CFAP46: variants seen among roughly 807,000 people sequenced by gnomAD.
CFAP46 encodes the protein cilia and flagella associated protein 46.
In CFAP46, 245 loss-of-function variants were observed where a neutral mutation model predicts 325.7. The observed-to-expected ratio is 0.75, with a 90% confidence interval of 0.68 to 0.84. The LOEUF is 0.84. CFAP46 is among the 40% of genes least tolerant of loss of function. The pLI, the probability that CFAP46 is intolerant of heterozygous loss-of-function variation, is 0.00. For missense variants in CFAP46, 3,346 were observed against 3,543.0 expected, an observed-to-expected ratio of 0.94 and a Z score of 1.41; for synonymous variants, 1,523 against 1,495.9, an observed-to-expected ratio of 1.02 and a Z score of -0.42.
At chr10:132,885,796 C>T (rs1283652507) in intron 26 of CFAP46, 25 bp downstream of exon 26, 30 of 1,512,588 alleles carry the variant, frequency 2.0e-5, no homozygotes, top group Non-Finnish European at 2.7e-5. Flanking sequence ...AGGGAGCACT[C>T]ACAGGCGGTG....
intron 33 of CFAP46, 60 bp from the exon 34 acceptor site, chr10:132,867,567 C>T (rs1172584983): frequency 9.9e-6 from 15 of 1,520,644 alleles, no homozygotes; most frequent in Admixed American, 4.5e-5. Flanking sequence ...TGTCCCTTCA[C>T]GAGTAACCAA....
intron 25 of CFAP46, among the ~76,000 whole-genome samples, chr10:132,890,106 AGTAAAATATAGCGT>A (rs1405425641): frequency 6.6e-6 from 1 of 152,222 alleles, no homozygotes; most frequent in Non-Finnish European, 1.5e-5. Flanking sequence ...TGGTGAAAGG[AGTAAAATATAGCGT>A]GGCTTCCAGG....
chr10:132,901,779 T>C (rs111506844), intron 22 of CFAP46, among the ~76,000 whole-genome samples: 6,909 of 152,344 alleles, frequency 0.045, 225 homozygotes, highest in Non-Finnish European at 0.064. Context: ...CTGCTGGGAA[T>C]GGATCCTCTT....
rs147511043 is a variant in CFAP46 at position 132,903,825 on chromosome 10, T to C, written c.2925-4159A>G. ...TTGGTGATTACGTTAAATAAAAATG[T>C]TGAGCTGAGTTGGAAGGTCCAAATG... On this transcript the variant is annotated intron_variant, in intron 22 of 57. Transcript: ENST00000368586. Among the ~76,000 whole-genome samples, 135 of 152,326 alleles carry C rather than the reference T, an allele frequency of 8.9e-4. 1 individual carries two copies. The highest frequency in any genetic ancestry group is 3.1e-3 in the African/African-American group (130 of 41,582).
In CFAP46 at chr10:132,909,128, G is replaced by A; in HGVS notation, c.2757+9C>T. On this transcript the variant is annotated intron_variant, in intron 21 of 57. Transcript: ENST00000368586. The stretch of plus-strand genomic sequence containing the variant: ...CCCCTGGCCTCCCGGGACCCCTGGG[G>A]ACACCTACCTGGGCCAGGGAGGGGA... The A allele has an allele frequency of 6.5e-7, 1 of 1,544,524 alleles. No individual in the cohort carries two copies. Among genetic ancestry groups the A allele is most frequent in the African/African-American group, 1.4e-5 (1 of 73,060 alleles).
intron 50 of CFAP46, among the ~76,000 whole-genome samples, chr10:132,831,899 T>G (rs900339772): frequency 4.0e-5 from 6 of 151,050 alleles, no homozygotes; most frequent in African/African-American, 1.5e-4. Flanking sequence ...TGGGGTTTTT[T>G]GTTTGTTTTT....
At chr10:132,819,658 T>C (rs528985356) in intron 50 of CFAP46, among the ~76,000 whole-genome samples, 3 of 152,330 alleles carry the variant, frequency 2.0e-5, no homozygotes, top group African/African-American at 7.2e-5. Context: ...GTCTCGTCAA[T>C]AAACAGTGTT....
chr10:132,836,738 C>T (rs1411088337), intron 45 of CFAP46, 79 bp downstream of exon 45: 5 of 1,216,564 alleles, frequency 4.1e-6, no homozygotes, highest in Non-Finnish European at 4.8e-6. Flanking sequence ...GAGGTGTGGG[C>T]AGCCCACGGC....
At position 132,908,519 on chromosome 10, in the gene CFAP46, C is replaced by A. The variant is rs1432612972; in HGVS notation, c.2873G>T (p.Cys958Phe). 6.4e-7 allele frequency: 1 copy of A among 1,550,564 alleles called. No homozygotes were observed. The highest frequency in any genetic ancestry group is 8.7e-7 in the Non-Finnish European group (1 of 1,146,990). The change falls in exon 22 of 58, where the codon TGT becomes TTT. Residue 958 changes from cysteine (C) to phenylalanine (F), a missense_variant. Transcript: ENST00000368586. ...GCCCATCTCCAGAGCCCTGTGAGCA[C>A]AGGCCATGGTGGTCTCATGGTCACG... Reference protein sequence around the residue: ...AARDHETTMACAHRALEMGIK... With the variant: ...AARDHETTMAFAHRALEMGIK...
At chr10:132,916,230 A>G (rs1849635317) in intron 17 of CFAP46, among the ~76,000 whole-genome samples, 1 of 152,200 alleles carries the variant, frequency 6.6e-6, no homozygotes, top group South Asian at 2.1e-4. Flanking sequence ...TTCACGCATC[A>G]TCAGAGGGCC....
intron 10 of CFAP46, 106 bp from the exon 11 acceptor site, chr10:132,924,992 T>C (rs913974947): frequency 2.2e-6 from 2 of 902,148 alleles, no homozygotes; most frequent in Non-Finnish European, 3.1e-6. Context: ...CCTAAATTCA[T>C]CACCCTGCGT....
intron 50 of CFAP46, among the ~76,000 whole-genome samples, chr10:132,823,356 GTGC>G (rs1182755989): frequency 8.8e-6 from 1 of 113,442 alleles, no homozygotes. Flanking sequence ...TGTGTGCTGA[GTGC>G]TGATGTGTGC....
rs962017055 is a variant in CFAP46 at position 132,827,382 on chromosome 10, G to A, written c.7117+5976C>T. ...GCCTGGAGGAGCCTCCCTGGGACAC[G>A]GTGCCTGCAGGGCCCTCTGTCCTTG... On this transcript the variant is annotated intron_variant, in intron 50 of 57. Transcript: ENST00000368586. The surrounding 1 kb of genome is among the most constrained non-coding windows in gnomAD (Gnocchi z 5.7). 1.3e-5 allele frequency among the ~76,000 whole-genome samples: 2 copies of A among 152,136 alleles called. No homozygotes were observed. The highest frequency in any genetic ancestry group is 2.9e-5 in the Non-Finnish European group (2 of 68,026).
Position 132,941,601 on chromosome 10 carries a change from G to A in CFAP46, c.296C>T (p.Ala99Val). Residue 99 changes from alanine to valine, a missense_variant, in exon 3 of 58, where the codon GCA (alanine) becomes GTA (valine). Ala to Val is a moderately conservative substitution (Grantham distance 64, BLOSUM62 0). Transcript: ENST00000368586. The stretch of plus-strand genomic sequence containing the variant: ...CAGGACGCCTCTCACCAGGTTTTCT[G>A]CCGACTTCGGGGCACACATCTGGGC... The part of the protein sequence containing the change: ...CRAQMCAPKS[A>V]ENLEEFENCV... The A allele has an allele frequency of 6.2e-7, 1 of 1,612,696 alleles. No individual in the cohort carries two copies. The highest frequency in any genetic ancestry group is 8.5e-7 in the Non-Finnish European group (1 of 1,179,246).
intron 53 of CFAP46, 88 bp downstream of exon 53, chr10:132,814,488 TG>T: frequency 6.8e-7 from 1 of 1,464,304 alleles, no homozygotes; most frequent in Non-Finnish European, 9.3e-7. Flanking sequence ...CCTCGAGGAG[TG>T]GGGCACCAGT....
rs998692024 is a variant in CFAP46 at position 132,827,145 on chromosome 10, G to A, written c.7117+6213C>T. Among the ~76,000 whole-genome samples, 15 of 152,200 alleles carry A rather than the reference G, an allele frequency of 9.9e-5. No individual in the cohort carries two copies. The highest frequency in any genetic ancestry group is 3.4e-4 in the African/African-American group (14 of 41,544). ...CTCTCCACAGCCTGAGCCCCACCCAGTCCTGGGCCACTGAGCCACCCTCCT... is the reference window on the plus strand; with the variant it reads ...CTCTCCACAGCCTGAGCCCCACCCAATCCTGGGCCACTGAGCCACCCTCCT... On this transcript the variant is annotated intron_variant, in intron 50 of 57. Transcript: ENST00000368586. This position sits in a 1 kb window ranked among gnomAD's most constrained non-coding sequence, Gnocchi z 5.7.
chr10:132,873,231 T>G lies in CFAP46; in HGVS notation c.4363-407A>C, dbSNP rs180796189. ...ATAGAGAAGAGCTAATGCTTCTTAT[T>G]ATGTTGGACTTGGTTTGTTAAAACC... On this transcript the variant is annotated intron_variant, in intron 31 of 57. Coordinates refer to ENST00000368586, the MANE Select transcript of CFAP46 (RefSeq NM_001200049.3). Among the ~76,000 whole-genome samples, 1,498 of 152,340 alleles carry G rather than the reference T, an allele frequency of 9.8e-3. 15 individuals carry two copies. The highest frequency in any genetic ancestry group is 0.043 in the South Asian group (207 of 4,822).
At chr10:132,915,975 T>A (rs899610417) in intron 17 of CFAP46, among the ~76,000 whole-genome samples, 1 of 152,238 alleles carries the variant, frequency 6.6e-6, no homozygotes, top group African/African-American at 2.4e-5. Flanking sequence ...GTAAAAACCA[T>A]CATTGCTGGT....
chr10:132,859,140 C>T lies in CFAP46; in HGVS notation c.5306G>A (p.Arg1769Lys). The T allele has an allele frequency of 6.4e-7, 1 of 1,551,004 alleles. No individual in the cohort carries two copies. Among genetic ancestry groups the T allele is most frequent in the Non-Finnish European group, 8.7e-7 (1 of 1,147,082 alleles). Residue 1769 changes from arginine to lysine, a missense_variant, in exon 38 of 58, where the codon AGA becomes AAA. Arg to Lys is a conservative substitution (Grantham distance 26). Transcript: ENST00000368586. ...TTTGCAGCCACAGTCGATAAACTTT[C>T]TCTCAATTTCCAACAGGCCATCATC... is the stretch of plus-strand genomic sequence containing the variant. The part of the protein sequence containing the change: ...EMDDGLLEIE[R>K]KFIDCGCKEN...
Sources: allele counts gnomAD v4.1 joint callset (sites outside exome capture counted in the v4.1 genomes callset), GRCh38; gene constraint gnomAD v4.1.1; non-coding constraint Gnocchi (gnomAD v3.1); transcripts MANE v1.5; gene names NCBI Gene and HGNC (gene_info 2026-07-23, HGNC 2026-07-21).